Variants in CSNK1G3 observed in about 807,000 individuals in gnomAD.
The protein encoded by CSNK1G3 is casein kinase 1 gamma 3, also known as casein kinase I isoform gamma-3.
CSNK1G3 carries 23 observed loss-of-function variants against 64.3 expected under a neutral mutation model. The ratio of observed to expected loss-of-function variants is 0.36; its 90% CI spans 0.26 to 0.51. The LOEUF (loss-of-function observed/expected upper bound fraction) is 0.51, where lower values mean the gene tolerates loss of function less well. CSNK1G3 is among the 20% of genes least tolerant of loss of function. The probability of loss-of-function intolerance (pLI) is 0.96; values close to 1 mark genes in which losing one functional copy is unlikely to be tolerated. For synonymous variants in CSNK1G3, 158 were observed against 162.2 expected, an observed-to-expected ratio of 0.97 and a Z score of 0.20; for missense variants, 357 against 510.5, an observed-to-expected ratio of 0.70 and a Z score of 2.90.
At chr5:123,554,626 C>T (rs1392654809) in intron 3 of CSNK1G3, among the ~76,000 whole-genome samples, 2 of 152,220 alleles carry the variant, frequency 1.3e-5, no homozygotes, top group African/African-American at 4.8e-5. Flanking sequence ...TGTGCCCAGC[C>T]TGGACGTTGT....
chr5:123,603,310 GA>G (rs1794799790), intron 10 of CSNK1G3, among the ~76,000 whole-genome samples: 1 of 151,990 alleles, frequency 6.6e-6, no homozygotes, highest in Non-Finnish European at 1.5e-5. Flanking sequence ...GGAAAAGGAA[GA>G]AATAATAAGG....
intron 10 of CSNK1G3, 92 bp from the exon 12 acceptor site, chr5:123,604,632 G>A: frequency 1.7e-6 from 1 of 601,182 alleles, no homozygotes. Context: ...TAACAATTAT[G>A]TTTATCCTTG....
chr5:123,599,752 G>T (rs779734839), intron 10 of CSNK1G3, among the ~76,000 whole-genome samples: 19 of 151,896 alleles, frequency 1.3e-4, no homozygotes, highest in Non-Finnish European at 2.4e-4. Context: ...GAGAGATTGT[G>T]GAGGGAGTAT....
At chr5:123,521,943 G>A (rs766016999) in intron 1 of CSNK1G3, among the ~76,000 whole-genome samples, 1 of 152,088 alleles carries the variant, frequency 6.6e-6, no homozygotes, top group African/African-American at 2.4e-5. Flanking sequence ...AAGGGCTAGG[G>A]CATTGATATA....
intron 12 of CSNK1G3, among the ~76,000 whole-genome samples, chr5:123,609,593 T>C (rs1795962609): frequency 6.6e-6 from 1 of 152,176 alleles, no homozygotes; most frequent in Admixed American, 6.6e-5. Context: ...AAAATTATAA[T>C]ACAAAGTGAC....
chr5:123,514,954 G>T (rs1776884137), intron 1 of CSNK1G3, among the ~76,000 whole-genome samples: 1 of 152,038 alleles, frequency 6.6e-6, no homozygotes, highest in Non-Finnish European at 1.5e-5. Context: ...GGCAAATAAC[G>T]ATAGTAAGTT....
intron 1 of CSNK1G3, among the ~76,000 whole-genome samples, chr5:123,535,357 T>C (rs1780618183): frequency 6.6e-6 from 1 of 152,090 alleles, no homozygotes; most frequent in South Asian, 2.1e-4. Context: ...TGTAAAAATG[T>C]AAAGACTATT....
chr5:123,553,671 G>A (rs548444410), intron 3 of CSNK1G3, among the ~76,000 whole-genome samples: 42 of 152,278 alleles, frequency 2.8e-4, no homozygotes, highest in African/African-American at 6.5e-4. Context: ...GCAAACTCCC[G>A]TGGAATTATT....
intron 12 of CSNK1G3, among the ~76,000 whole-genome samples, chr5:123,611,893 G>A (rs1796394557): frequency 6.6e-6 from 1 of 151,978 alleles, no homozygotes; most frequent in South Asian, 2.1e-4. Flanking sequence ...TCTTTTCTAA[G>A]TCTTAAATTT....
chr5:123,557,198 C>A (rs1376819223), intron 3 of CSNK1G3, among the ~76,000 whole-genome samples: 1 of 152,070 alleles, frequency 6.6e-6, no homozygotes, highest in Non-Finnish European at 1.5e-5. Context: ...AGCATAAGAG[C>A]CATCATTTCT....
At position 123,578,985 on chromosome 5, in the gene CSNK1G3, G is replaced by C. The variant is rs549787505; in HGVS notation, c.673+3022G>C. On this transcript the variant is annotated intron_variant, in intron 6 of 12. Transcript: ENST00000345990. Reference sequence around the variant, plus strand: ...AGATACTATTAGACATCTTACAACAGATAGACAGAAATGTGAACCAATCAG... The same window carrying C: ...AGATACTATTAGACATCTTACAACACATAGACAGAAATGTGAACCAATCAG... 1.2e-3 allele frequency among the ~76,000 whole-genome samples: 183 copies of C among 152,044 alleles called. 1 individual carries two copies. The highest frequency in any genetic ancestry group is 4.3e-3 in the African/African-American group (177 of 41,522).
chr5:123,514,907 A>G (rs1776874338), intron 1 of CSNK1G3, among the ~76,000 whole-genome samples: 1 of 152,186 alleles, frequency 6.6e-6, no homozygotes, highest in African/African-American at 2.4e-5. Flanking sequence ...TGAGGCATGA[A>G]GGTCCAAATG....
intron 1 of CSNK1G3, among the ~76,000 whole-genome samples, chr5:123,531,768 T>G (rs2150098789): frequency 6.6e-6 from 1 of 152,072 alleles, no homozygotes; most frequent in African/African-American, 2.4e-5. Context: ...TAAATGTATA[T>G]CTGTTATTTT....
Position 123,519,718 on chromosome 5 carries a change from A to T in CSNK1G3, c.-248+7148A>T, listed in dbSNP as rs150391869. Among the ~76,000 whole-genome samples, 843 of 152,324 alleles carry T rather than the reference A, an allele frequency of 5.5e-3. 3 individuals carry two copies. Among genetic ancestry groups the T allele is most frequent in the Non-Finnish European group, 8.5e-3 (577 of 68,020 alleles). ...GATGGTTTTTACATATTTTGAGAGC[A>T]GCAGAGTTGGTAAGGGGTTGGGGAG... On this transcript the variant is annotated intron_variant, in intron 1 of 12. Coordinates refer to ENST00000345990, the Ensembl canonical transcript of CSNK1G3.
chr5:123,551,453 T>C (rs1348233916), intron 2 of CSNK1G3, among the ~76,000 whole-genome samples: 2 of 152,182 alleles, frequency 1.3e-5, no homozygotes, highest in Non-Finnish European at 2.9e-5. Flanking sequence ...TTCTGTTGAG[T>C]TCCATCCTTT....
chr5:123,608,281 C>G (rs1048062392), intron 12 of CSNK1G3, among the ~76,000 whole-genome samples: 1 of 152,150 alleles, frequency 6.6e-6, no homozygotes, highest in South Asian at 2.1e-4. Flanking sequence ...TTAGCATCCT[C>G]ATGTTTCCTG....
At chr5:123,563,951 A>G (rs1786298009) in intron 4 of CSNK1G3, among the ~76,000 whole-genome samples, 1 of 152,096 alleles carries the variant, frequency 6.6e-6, no homozygotes, top group Non-Finnish European at 1.5e-5. Context: ...CAGTTTATGT[A>G]GCAGATTCTT....
chr5:123,553,233 T>C (rs915708609), intron 3 of CSNK1G3, 86 bp downstream of exon 3: 1 of 697,096 alleles, frequency 1.4e-6, no homozygotes, highest in African/African-American at 1.9e-5. Flanking sequence ...TTTGTTTTCA[T>C]GTCATTTATA....
At chr5:123,552,540 A>G (rs1347402873) in intron 2 of CSNK1G3, among the ~76,000 whole-genome samples, 1 of 152,156 alleles carries the variant, frequency 6.6e-6, no homozygotes, top group Non-Finnish European at 1.5e-5. Flanking sequence ...TTTGGAATTA[A>G]TTTTGTTGTA....
Sources: gnomAD v4.1 joint callset for allele counts (sites outside exome capture counted in the v4.1 genomes callset) on GRCh38, gnomAD v4.1.1 for gene constraint, MANE v1.5 for transcripts, NCBI Gene and HGNC (gene_info 2026-07-23, HGNC 2026-07-21) for gene names.